TENM2: variants seen among roughly 807,000 people sequenced by gnomAD.
TENM2 encodes teneurin-2.
In TENM2, 52 loss-of-function variants were observed where a neutral mutation model predicts 245.2. That is an observed-to-expected ratio of 0.21 (90% confidence interval 0.17 to 0.27). The LOEUF (loss-of-function observed/expected upper bound fraction) is 0.27. Among genes scored for constraint, TENM2 ranks in the 10% least tolerant of loss-of-function variants. The probability of loss-of-function intolerance (pLI) is 1.00; values close to 1 mark genes in which losing one functional copy is unlikely to be tolerated. For synonymous variants in TENM2, 1,363 were observed against 1,438.9 expected (o/e 0.95, Z 1.19); for missense variants, 3,046 against 3,666.8 (o/e 0.83, Z 4.37).
chr5:168,228,671 G>T (rs1764497523), intron 25 of TENM2, among the ~76,000 whole-genome samples: 2 of 152,260 alleles, frequency 1.3e-5, no homozygotes, highest in African/African-American at 2.4e-5. Flanking sequence ...AAAAGACAGA[G>T]GTACATGCAG....
chr5:167,031,643 C>T, the TENM2 span, among the ~76,000 whole-genome samples: 1 of 152,184 alleles, frequency 6.6e-6, no homozygotes, highest in Non-Finnish European at 1.5e-5. Context: ...CGGCTCACTG[C>T]AATCCCCGCC....
At chr5:167,418,188 G>C (rs1346129431) in intron 2 of TENM2, among the ~76,000 whole-genome samples, 3 of 152,228 alleles carry the variant, frequency 2.0e-5, no homozygotes, top group Admixed American at 6.5e-5. Flanking sequence ...AATTAGCAGG[G>C]TGTGGTGGCA....
chr5:167,245,486 A>G, the TENM2 span, among the ~76,000 whole-genome samples: 151 of 151,160 alleles, frequency 1.0e-3, 1 homozygote, highest in Non-Finnish European at 1.3e-3. Flanking sequence ...ATGTGCATAT[A>G]TGTTGACCCA....
chr5:168,255,228 CTT>C (rs1490563179), intron 27 of TENM2, among the ~76,000 whole-genome samples: 1 of 152,174 alleles, frequency 6.6e-6, no homozygotes, highest in African/African-American at 2.4e-5. Context: ...TCAATGCTCT[CTT>C]AATTCTTTCA....
At chr5:167,468,045 T>G (rs991887198) in intron 2 of TENM2, among the ~76,000 whole-genome samples, 3 of 152,200 alleles carry the variant, frequency 2.0e-5, no homozygotes, top group Non-Finnish European at 4.4e-5. Context: ...CAAGCGATTC[T>G]CCTGCTTCAG....
chr5:167,138,593 GC>G, the TENM2 span, among the ~76,000 whole-genome samples: 1 of 152,070 alleles, frequency 6.6e-6, no homozygotes, highest in Admixed American at 6.6e-5. Flanking sequence ...GATGACAATT[GC>G]TTAACTAATC....
At chr5:167,909,696 T>G (rs1048628692) in intron 3 of TENM2, among the ~76,000 whole-genome samples, 14 of 152,310 alleles carry the variant, frequency 9.2e-5, no homozygotes, top group Middle Eastern at 6.8e-3. Context: ...GAACCCAAAG[T>G]TTAGAGGACT....
chr5:167,560,465 A>G (rs1323154211), intron 2 of TENM2, among the ~76,000 whole-genome samples: 1 of 152,084 alleles, frequency 6.6e-6, no homozygotes, highest in Non-Finnish European at 1.5e-5. Context: ...GATTATAACC[A>G]CAGGGAGAGT....
intron 2 of TENM2, among the ~76,000 whole-genome samples, chr5:167,605,287 CT>C (rs1325277088): frequency 4.6e-5 from 7 of 152,036 alleles, no homozygotes; most frequent in Admixed American, 3.9e-4. Context: ...TTAAAAAATT[CT>C]TTTTTATATT....
At chr5:167,132,242 G>A in the TENM2 span, among the ~76,000 whole-genome samples, 5 of 152,158 alleles carry the variant, frequency 3.3e-5, no homozygotes, top group East Asian at 1.9e-4. Flanking sequence ...TTATGTATGC[G>A]TACACCTATG....
chr5:167,458,323 C>G lies in TENM2; in HGVS notation c.502+82850C>G, dbSNP rs555391090. ...GCAACATGGTGAAACCCTGTCTCTA[C>G]TAAAAATACAAAAATTAGCTGGGTG... On this transcript the variant is annotated intron_variant, in intron 2 of 28. Transcript: ENST00000518659. 1.1e-3 allele frequency among the ~76,000 whole-genome samples: 163 copies of G among 145,112 alleles called. 1 individual carries two copies. The highest frequency in any genetic ancestry group is 2.1e-3 in the Non-Finnish European group (134 of 63,678).
intron 19 of TENM2, among the ~76,000 whole-genome samples, chr5:168,208,111 CA>C (rs1762509658): frequency 6.6e-6 from 1 of 152,102 alleles, no homozygotes; most frequent in Admixed American, 6.5e-5. Context: ...TCTCTCATAG[CA>C]AAATCTTTTC....
chr5:167,648,633 G>A (rs1217969231), intron 2 of TENM2, among the ~76,000 whole-genome samples: 2 of 152,204 alleles, frequency 1.3e-5, no homozygotes, highest in Non-Finnish European at 2.9e-5. Context: ...GAAGCGATGC[G>A]ACTGTTCTCT....
the TENM2 span, among the ~76,000 whole-genome samples, chr5:167,080,019 A>G: frequency 1.4e-4 from 21 of 152,350 alleles, no homozygotes; most frequent in African/African-American, 4.8e-4. Flanking sequence ...TGAAGTTCAG[A>G]CAGACAGCTT....
At chr5:167,633,896 C>T (rs1345105392) in intron 2 of TENM2, among the ~76,000 whole-genome samples, 2 of 152,174 alleles carry the variant, frequency 1.3e-5, no homozygotes, top group African/African-American at 4.8e-5. Flanking sequence ...AGCCATTTTG[C>T]TTTGGTTCAT....
the TENM2 span, among the ~76,000 whole-genome samples, chr5:167,101,857 A>ATAT: frequency 8.0e-6 from 1 of 124,760 alleles, no homozygotes; most frequent in Admixed American, 9.0e-5. Flanking sequence ...ATTTATATAT[A>ATAT]TATATATATA....
At chr5:167,352,290 A>G (rs1758968404) in intron 1 of TENM2, among the ~76,000 whole-genome samples, 1 of 152,160 alleles carries the variant, frequency 6.6e-6, no homozygotes, top group Non-Finnish European at 1.5e-5. Flanking sequence ...ACAATGGCTG[A>G]GTTAGCTTCT....
Position 167,768,471 on chromosome 5 carries a change from G to A in TENM2, c.503-107515G>A, listed in dbSNP as rs368018921. 1.5e-4 allele frequency among the ~76,000 whole-genome samples: 23 copies of A among 152,274 alleles called. No homozygotes were observed. The East Asian group carries it at 1.9e-3, about 13-fold the overall frequency. On this transcript the variant is annotated intron_variant, in intron 2 of 28. Transcript: ENST00000518659. ...CTCCATATAAGACTTAACGATCTAC[G>A]AAAGGGCCACATTTGGGCTTCCTAT...
At chr5:167,256,579 G>C in the TENM2 span, among the ~76,000 whole-genome samples, 1 of 152,092 alleles carries the variant, frequency 6.6e-6, no homozygotes. Flanking sequence ...GTAATGGAAA[G>C]ACCATTAGTA....
Sources: allele counts gnomAD v4.1 joint callset (sites outside exome capture counted in the v4.1 genomes callset), GRCh38; gene constraint gnomAD v4.1.1; transcripts MANE v1.5; gene names NCBI Gene and HGNC (gene_info 2026-07-23, HGNC 2026-07-21).